GPSM2: variants seen among roughly 807,000 people sequenced by gnomAD.
The protein encoded by GPSM2 is G protein-signaling modulator 2.
A neutral mutation model predicts 78.4 loss-of-function variants in GPSM2; 58 were observed. The ratio of observed to expected loss-of-function variants is 0.74; its 90% CI spans 0.60 to 0.92. The LOEUF is 0.92. GPSM2 is among the 40% of genes least tolerant of loss of function. The probability of loss-of-function intolerance (pLI) is 0.00; values close to 1 mark genes in which losing one functional copy is unlikely to be tolerated. For synonymous variants in GPSM2, 224 were observed against 280.2 expected (o/e 0.80, Z 2.00); for missense variants, 700 against 815.5 (o/e 0.86, Z 1.73).
At chr1:108,896,837 A>T in intron 2 of GPSM2, 27 bp from the exon 3 acceptor site, 2 of 1,489,146 alleles carry the variant, frequency 1.3e-6, no homozygotes, top group Non-Finnish European at 1.9e-6. Context: ...TGTTATGTTT[A>T]AATGTCTGTC....
At chr1:108,917,185 G>A (rs111348602) in intron 11 of GPSM2, among the ~76,000 whole-genome samples, 195 of 152,178 alleles carry the variant, frequency 1.3e-3, no homozygotes, top group African/African-American at 4.5e-3. Context: ...AATAGACCAC[G>A]AAATCCACTG....
intron 7 of GPSM2, among the ~76,000 whole-genome samples, chr1:108,899,698 T>TGAA (rs1459008366): frequency 2.6e-5 from 4 of 152,244 alleles, no homozygotes; most frequent in African/African-American, 9.6e-5. Flanking sequence ...TAGTGGGGAT[T>TGAA]GAAGCCTCTT....
intron 10 of GPSM2, among the ~76,000 whole-genome samples, chr1:108,912,525 C>T (rs1417031957): frequency 1.3e-5 from 2 of 150,368 alleles, no homozygotes; most frequent in Non-Finnish European, 3.0e-5. Context: ...AGGAGGATCG[C>T]TTGCATCCAG....
chr1:108,903,835 T>C (rs569788649), intron 9 of GPSM2, among the ~76,000 whole-genome samples: 1 of 152,310 alleles, frequency 6.6e-6, no homozygotes, highest in Admixed American at 6.5e-5. Flanking sequence ...TATTACTTAG[T>C]ATGATTCCAG....
intron 1 of GPSM2, among the ~76,000 whole-genome samples, chr1:108,880,580 A>AC (rs1356869503): frequency 1.1e-5 from 1 of 90,690 alleles, no homozygotes; most frequent in Non-Finnish European, 2.5e-5. Flanking sequence ...ACTCCGTCTC[A>AC]AAAAAAAAAA....
intron 9 of GPSM2, 112 bp from the exon 10 acceptor site, chr1:108,904,011 CTA>C (rs1391968992): frequency 4.0e-6 from 3 of 748,806 alleles, no homozygotes; most frequent in South Asian, 3.2e-5. Flanking sequence ...TCTAATATAA[CTA>C]TTTTCATTTC....
intron 10 of GPSM2, among the ~76,000 whole-genome samples, chr1:108,911,644 T>C (rs1249283580): frequency 1.3e-5 from 2 of 152,162 alleles, no homozygotes; most frequent in Non-Finnish European, 2.9e-5. Flanking sequence ...ATGCATTAAA[T>C]GTGTCTGGGC....
intron 2 of GPSM2, among the ~76,000 whole-genome samples, chr1:108,891,561 C>G (rs969182874): frequency 2.6e-5 from 4 of 151,980 alleles, no homozygotes; most frequent in Non-Finnish European, 5.9e-5. Context: ...GAGGTGTGAT[C>G]TTAGCTTACT....
At chr1:108,898,172 C>T (rs975302075) in intron 5 of GPSM2, 71 bp downstream of exon 5, 9 of 1,443,586 alleles carry the variant, frequency 6.2e-6, no homozygotes, top group Non-Finnish European at 8.8e-6. Flanking sequence ...GTTCTTTATT[C>T]AGTAGTAAGT....
intron 5 of GPSM2, among the ~76,000 whole-genome samples, chr1:108,898,320 C>T (rs898440672): frequency 1.3e-5 from 2 of 152,212 alleles, no homozygotes; most frequent in African/African-American, 4.8e-5. Context: ...GTGGCAAAAG[C>T]AAGAAATGTC....
At chr1:108,894,503 G>A (rs1267122321) in intron 2 of GPSM2, among the ~76,000 whole-genome samples, 1 of 152,174 alleles carries the variant, frequency 6.6e-6, no homozygotes, top group Non-Finnish European at 1.5e-5. Flanking sequence ...ATTGAGACCA[G>A]CCTGGCCAAC....
At chr1:108,927,359 G>A (rs1402596660) in intron 14 of GPSM2, among the ~76,000 whole-genome samples, 3 of 152,128 alleles carry the variant, frequency 2.0e-5, no homozygotes, top group African/African-American at 7.2e-5. Flanking sequence ...TGAGAATAAA[G>A]CTTTAGGGCT....
Position 108,897,983 on chromosome 1 carries a change from A to G in GPSM2, c.439A>G (p.Asn147Asp). 2 of 1,614,092 alleles carry G rather than the reference A, an allele frequency of 1.2e-6. No individual in the cohort carries two copies. The highest frequency in any genetic ancestry group is 1.1e-5 in the South Asian group (1 of 91,088). ...DKVGEARALY[N>D]LGNVYHAKGK... The stretch of plus-strand genomic sequence containing the variant: ...GGTGGGAGAAGCAAGAGCACTTTAC[A>G]ATCTTGGGAATGTGTATCATGCCAA... Residue 147 changes from asparagine to aspartate, a missense_variant, in exon 5 of 15, where the codon AAT becomes GAT. By Grantham distance (23) the Asn-to-Asp change is conservative. Transcript: ENST00000264126.
chr1:108,911,419 C>T (rs1649733755), intron 10 of GPSM2, among the ~76,000 whole-genome samples: 1 of 152,062 alleles, frequency 6.6e-6, no homozygotes, highest in Admixed American at 6.6e-5. Context: ...CCCATCTACT[C>T]AGGAGGCTGA....
rs560699450 is a variant in GPSM2 at position 108,887,043 on chromosome 1, CG to C, written c.56+1466del. On this transcript the variant is annotated intron_variant, in intron 2 of 14. Coordinates refer to ENST00000264126, the MANE Select transcript of GPSM2 (RefSeq NM_013296.5). Reference sequence around the variant, plus strand: ...CTGGGATTATAGGCGTGTGTCACCACGCCCAGCTAATTTTTTGTATTTTTAG... The same window carrying C: ...CTGGGATTATAGGCGTGTGTCACCACCCCAGCTAATTTTTTGTATTTTTAG... 5.3e-5 allele frequency among the ~76,000 whole-genome samples: 8 copies of C among 152,090 alleles called. No individual in the cohort carries two copies. In the East Asian group the frequency reaches 1.5e-3, roughly 29 times the overall value.
At position 108,932,063 on chromosome 1, in the gene GPSM2, AG is replaced by A. The variant is rs1313763454; in HGVS notation, c.*2125del. 6.6e-6 allele frequency: 1 copy of A among 152,370 alleles called. No individual in the cohort carries two copies. The highest frequency in any genetic ancestry group is 2.4e-5 in the African/African-American group (1 of 41,452). 9.4% of individuals were successfully genotyped at this position (152,370 alleles called of 1,614,324 possible). A position where few individuals can be genotyped will look rare whatever the true frequency, so the allele number is the denominator to read the frequency against. ...CGACAAGGGCGGGTCACTTGAGGTC[AG>A]GAGTTCGAGACCAGCCTGACCAACA... On this transcript the variant is annotated 3_prime_UTR_variant, in exon 15 of 15. Coordinates refer to ENST00000264126, the MANE Select transcript of GPSM2 (RefSeq NM_013296.5).
At chr1:108,917,648 ATATATATATATATATAT>A (rs1161517076) in intron 11 of GPSM2, among the ~76,000 whole-genome samples, 2 of 29,102 alleles carry the variant, frequency 6.9e-5, no homozygotes, top group South Asian at 1.0e-3. Context: ...ATATATATAT[ATATATATATATATATAT>A]AAATGAGTTC....
intron 11 of GPSM2, among the ~76,000 whole-genome samples, chr1:108,914,942 A>G (rs1033476226): frequency 2.6e-5 from 4 of 152,196 alleles, no homozygotes; most frequent in African/African-American, 9.6e-5. Flanking sequence ...TTGAAGATAC[A>G]TCTTCCCTAG....
chr1:108,931,495 G>A lies in GPSM2; in HGVS notation c.*1555G>A, dbSNP rs907794040. The A allele has an allele frequency of 2.6e-6, 4 of 1,548,550 alleles. No individual in the cohort carries two copies. In the Admixed American group the frequency reaches 7.9e-5, roughly 31 times the overall value. ...TTCAGACTGTGCACAGCTGGGATGGGATCTGGGGATGTGGACCCCTATTCT... is the reference window on the plus strand; with the variant it reads ...TTCAGACTGTGCACAGCTGGGATGGAATCTGGGGATGTGGACCCCTATTCT... On this transcript the variant is annotated 3_prime_UTR_variant, in exon 15 of 15. Transcript: ENST00000264126.
Sources: gnomAD v4.1 joint callset for allele counts (sites outside exome capture counted in the v4.1 genomes callset) on GRCh38, gnomAD v4.1.1 for gene constraint, MANE v1.5 for transcripts, NCBI Gene and HGNC (gene_info 2026-07-23, HGNC 2026-07-21) for gene names.